Variants in C8orf76 observed in about 807,000 individuals in gnomAD.
C8orf76 encodes the protein uncharacterized protein C8orf76.
C8orf76 carries 46 observed loss-of-function variants against 38.1 expected under a neutral mutation model. The ratio of observed to expected loss-of-function variants is 1.21; its 90% confidence interval spans 0.95 to 1.54. The LOEUF (loss-of-function observed/expected upper bound fraction) is 1.54, where lower values mean the gene tolerates loss of function less well. Among genes scored for constraint, C8orf76 ranks in the 40% most tolerant of loss-of-function variants. The pLI, the probability that C8orf76 is intolerant of heterozygous loss-of-function variation, is 0.00. For missense variants in C8orf76, 461 were observed against 441.6 expected (o/e 1.04, Z -0.39); for synonymous variants, 166 against 167.5 (o/e 0.99, Z 0.07).
At chr8:123,239,264 GC>G in intron 1 of C8orf76, 120 bp from the exon 2 acceptor site, 1 of 1,087,284 alleles carries the variant, frequency 9.2e-7, no homozygotes. Flanking sequence ...CAAGAGTCTG[GC>G]CAGGTTAGTC....
intron 4 of C8orf76, among the ~76,000 whole-genome samples, chr8:123,229,462 T>C (rs776992965): frequency 3.0e-4 from 45 of 152,354 alleles, no homozygotes; most frequent in South Asian, 8.3e-4. Flanking sequence ...TCATCCCCTC[T>C]GTAAAGGCTT....
At chr8:123,227,253 CTCCT>C (rs1825079848) in intron 4 of C8orf76, among the ~76,000 whole-genome samples, 1 of 148,542 alleles carries the variant, frequency 6.7e-6, no homozygotes, top group African/African-American at 2.6e-5. Flanking sequence ...CCTCATTTGG[CTCCT>C]TTTTTTTTTT....
chr8:123,222,659 A>G lies in C8orf76; in HGVS notation c.949-2362T>C, dbSNP rs892921134. On this transcript the variant is annotated intron_variant, in intron 5 of 5. Transcript: ENST00000276704. ...GAAAGAATAATGAAGCAAAAGCAAG[A>G]CTAGGCATTTGACATGATACAAATG... Among the ~76,000 whole-genome samples the G allele has an allele frequency of 1.4e-4, 22 of 152,348 alleles. 1 individual carries two copies. Among genetic ancestry groups the G allele is most frequent in the African/African-American group, 5.3e-4 (22 of 41,592 alleles).
At chr8:123,236,289 G>A (rs1825474757) in intron 3 of C8orf76, among the ~76,000 whole-genome samples, 2 of 152,188 alleles carry the variant, frequency 1.3e-5, no homozygotes, top group East Asian at 1.9e-4. Flanking sequence ...CGGTGCCACA[G>A]TGTCTCCTTA....
intron 4 of C8orf76, among the ~76,000 whole-genome samples, chr8:123,228,446 C>A (rs1045561957): frequency 6.6e-6 from 1 of 152,160 alleles, no homozygotes; most frequent in Admixed American, 6.5e-5. Flanking sequence ...ATGGAGAAAT[C>A]CCATCTCTAC....
rs760585026 is a variant in C8orf76, at chr8:123,226,552, T to A, written c.896A>T (p.Asp299Val). 1 of 1,613,642 alleles carries A rather than the reference T, an allele frequency of 6.2e-7. No homozygotes were observed. The highest frequency in any genetic ancestry group is 1.1e-5 in the South Asian group (1 of 90,974). The change falls in exon 5 of 6, where the codon GAT becomes GTT. Residue 299 changes from aspartate (D) to valine (V), a missense_variant. Transcript: ENST00000276704. Reference protein sequence around the residue: ...RNLRTQQEIEDKMKGFSFKED... With the variant: ...RNLRTQQEIEVKMKGFSFKED... ...TTTGAAGCTGAACCCTTTCATTTTA[T>A]CTTCAATTTCCTGCTGAGTCCTTAA... is the stretch of plus-strand genomic sequence containing the variant.
intron 3 of C8orf76, among the ~76,000 whole-genome samples, chr8:123,233,723 C>T (rs1825361496): frequency 6.6e-6 from 1 of 151,274 alleles, no homozygotes; most frequent in Non-Finnish European, 1.5e-5. Context: ...TAGTAAACTC[C>T]TTCTGGAAAT....
chr8:123,240,275 T>C (rs1563803243), intron 1 of C8orf76, among the ~76,000 whole-genome samples: 1 of 152,174 alleles, frequency 6.6e-6, no homozygotes, highest in Non-Finnish European at 1.5e-5. Flanking sequence ...AATCCCTGTT[T>C]TGAGTCTACA....
At chr8:123,226,299 GC>G (rs1825041230) in intron 5 of C8orf76, 200 bp downstream of exon 5, 1 of 1,404,468 alleles carries the variant, frequency 7.1e-7, no homozygotes, top group African/African-American at 1.5e-5. Context: ...ATGAAACACA[GC>G]CCCTGCGGTC....
chr8:123,229,159 C>A (rs1474112598), intron 4 of C8orf76, among the ~76,000 whole-genome samples: 1 of 152,212 alleles, frequency 6.6e-6, no homozygotes, highest in East Asian at 1.9e-4. Context: ...CCCCTCTGGG[C>A]GGTGCCTTCT....
At chr8:123,226,387 G>C in intron 5 of C8orf76, 113 bp downstream of exon 5, 2 of 1,517,690 alleles carry the variant, frequency 1.3e-6, no homozygotes, top group Non-Finnish European at 8.8e-7. Context: ...ACAGAGGAGG[G>C]AGACAAGTCC....
intron 5 of C8orf76, among the ~76,000 whole-genome samples, chr8:123,221,976 CA>C (rs1214320913): frequency 6.6e-6 from 1 of 151,986 alleles, no homozygotes; most frequent in Admixed American, 6.6e-5. Flanking sequence ...GTGTAAATGG[CA>C]TCTTATTTTT....
rs1162970854 is a variant in C8orf76 at position 123,231,709 on chromosome 8, G to A, written c.406C>T (p.Gln136Ter). ...TGCAAACTTGAACAAATAGCAAGCT[G>A]GAGGTAGAGTACCGTGGTTAAATGG... ...TDHLTTVLYL[Q>*]LAICSSLQNL... The change falls in exon 4 of 6, where the codon CAG becomes TAG. Residue 136 changes from glutamine (Q) to a stop codon, truncating the protein, a stop_gained. Coordinates refer to ENST00000276704, the MANE Select transcript of C8orf76 (RefSeq NM_032847.3). LOFTEE classifies it high-confidence loss of function. The A allele has an allele frequency of 1.2e-6, 2 of 1,612,510 alleles. No homozygotes were observed. Among genetic ancestry groups the A allele is most frequent in the East Asian group, 4.5e-5 (2 of 44,888 alleles).
At chr8:123,231,804 T>C (rs113759997) in intron 3 of C8orf76, 47 bp from the exon 4 acceptor site, 20 of 1,514,634 alleles carry the variant, frequency 1.3e-5, no homozygotes, top group African/African-American at 1.1e-4. Flanking sequence ...TCAAAGCATT[T>C]TCCATATAAA....
rs774396535 is a variant in C8orf76 at position 123,231,495 on chromosome 8, T to A, written c.620A>T (p.His207Leu). The A allele has an allele frequency of 6.2e-7, 1 of 1,614,138 alleles. No individual in the cohort carries two copies. Residue 207 changes from histidine to leucine, a missense_variant, in exon 4 of 6, where the codon CAC becomes CTC. Transcript: ENST00000276704. ...SDKTIKSFFP[H>L]SGKDCLLCFP... Reference sequence around the variant, plus strand: ...ACACAAAAGACAGTCTTTTCCTGAGTGTGGAAAGAAGGATTTGATAGTTTT... The same window carrying A: ...ACACAAAAGACAGTCTTTTCCTGAGAGTGGAAAGAAGGATTTGATAGTTTT...
At chr8:123,237,220 G>A (rs1825527617) in intron 3 of C8orf76, among the ~76,000 whole-genome samples, 1 of 152,208 alleles carries the variant, frequency 6.6e-6, no homozygotes, top group South Asian at 2.1e-4. Context: ...GGACAAAGAA[G>A]GCTCTTCCTT....
Position 123,221,979 on chromosome 8 carries a change from C to A in C8orf76, c.949-1682G>T, listed in dbSNP as rs533688013. 2.6e-5 allele frequency among the ~76,000 whole-genome samples: 4 copies of A among 152,040 alleles called. No individual in the cohort carries two copies. The East Asian group carries it at 7.7e-4, about 29-fold the overall frequency. Reference sequence around the variant, plus strand: ...CTCTATGTGATAGTGTAAATGGCATCTTATTTTTCTTTTTTTTGGGGGGCG... The same window carrying A: ...CTCTATGTGATAGTGTAAATGGCATATTATTTTTCTTTTTTTTGGGGGGCG... On this transcript the variant is annotated intron_variant, in intron 5 of 5. Coordinates refer to ENST00000276704, the MANE Select transcript of C8orf76 (RefSeq NM_032847.3).
At chr8:123,238,802 T>C (rs1825585390) in intron 2 of C8orf76, 1 of 413,498 alleles carries the variant, frequency 2.4e-6, no homozygotes, top group East Asian at 4.4e-5. Context: ...ATTCAGAACC[T>C]TGAGGAATAA....
chr8:123,224,515 G>A (rs1387067755), intron 5 of C8orf76, among the ~76,000 whole-genome samples: 1 of 152,134 alleles, frequency 6.6e-6, no homozygotes, highest in African/African-American at 2.4e-5. Flanking sequence ...GGGAGGCTGA[G>A]GTGAAAGGAC....
Sources: gnomAD v4.1 joint callset for allele counts (sites outside exome capture counted in the v4.1 genomes callset) on GRCh38, gnomAD v4.1.1 for gene constraint, MANE v1.5 for transcripts, NCBI Gene and HGNC (gene_info 2026-07-23, HGNC 2026-07-21) for gene names.